Variants in ACAN observed in about 807,000 individuals in gnomAD.
ACAN encodes the protein aggrecan.
In ACAN, 47 loss-of-function variants were observed where a neutral mutation model predicts 169.1. The observed-to-expected ratio is 0.28, with a 90% CI of 0.22 to 0.35. ACAN has a LOEUF of 0.35. Ranked by LOEUF, ACAN falls within the 10% of genes least tolerant of loss-of-function variation. The pLI, the probability that ACAN is intolerant of heterozygous loss-of-function variation, is 1.00. For synonymous variants in ACAN, 1,115 were observed against 1,112.2 expected (o/e 1.00, Z -0.05); for missense variants, 2,716 against 2,759.9 (o/e 0.98, Z 0.36).
chr15:88,851,528 G>C lies in ACAN; in HGVS notation c.2027-266G>C. 1 of 385,550 alleles carries C rather than the reference G, an allele frequency of 2.6e-6. No homozygotes were observed. The highest frequency in any genetic ancestry group is 4.7e-6 in the Non-Finnish European group (1 of 214,980). The allele number at this position is 385,550 out of a possible 1,614,324, so 23.9% of individuals were successfully genotyped here. On this transcript the variant is annotated intron_variant, in intron 10 of 18. Coordinates refer to ENST00000560601, the MANE Select transcript of ACAN (RefSeq NM_001369268.1). This position sits in a 1 kb window ranked among gnomAD's most constrained non-coding sequence, Gnocchi z 4.3. Reference sequence around the variant, plus strand: ...AGATAAAGTGATTTTAGATACACAAGGCTTTAGAGCAATGCCCGGCATATA... The same window carrying C: ...AGATAAAGTGATTTTAGATACACAACGCTTTAGAGCAATGCCCGGCATATA...
At chr15:88,826,216 T>G (rs188477451) in intron 1 of ACAN, among the ~76,000 whole-genome samples, 2 of 152,198 alleles carry the variant, frequency 1.3e-5, no homozygotes, top group East Asian at 3.8e-4. Flanking sequence ...ATGATGATCA[T>G]GCTTTTGTAG....
In ACAN at chr15:88,807,203, G is replaced by A. The variant is rs1335317110; in HGVS notation, c.-8+3394G>A. 6.6e-6 allele frequency among the ~76,000 whole-genome samples: 1 copy of A among 152,076 alleles called. No homozygotes were observed. Among genetic ancestry groups the A allele is most frequent in the Non-Finnish European group, 1.5e-5 (1 of 68,026 alleles). On this transcript the variant is annotated intron_variant, in intron 1 of 18. Coordinates refer to ENST00000560601, the MANE Select transcript of ACAN (RefSeq NM_001369268.1). The surrounding 1 kb of genome is among the most constrained non-coding windows in gnomAD (Gnocchi z 4.0). ...TGGAGTTGGGGAAAGGCAAGTTCAA[G>A]GAAGAGGACCCAGAGTCAGAGAGGA...
Position 88,872,121 on chromosome 15 carries a change from G to T in ACAN, c.7302+36G>T, listed in dbSNP as rs1897395334. 1 of 1,587,236 alleles carries T rather than the reference G, an allele frequency of 6.3e-7. No individual in the cohort carries two copies. Among genetic ancestry groups the T allele is most frequent in the African/African-American group, 1.3e-5 (1 of 74,416 alleles). On this transcript the variant is annotated intron_variant, in intron 16 of 18. Transcript: ENST00000560601. The surrounding 1 kb of genome is among the most constrained non-coding windows in gnomAD (Gnocchi z 5.4). ...CTGTAGGCACAGCTGGTGGCCCAGGGGACAGGGAGTGGGATAGAGACCCCT... is the reference window on the plus strand; with the variant it reads ...CTGTAGGCACAGCTGGTGGCCCAGGTGACAGGGAGTGGGATAGAGACCCCT...
intron 1 of ACAN, among the ~76,000 whole-genome samples, chr15:88,831,948 G>A (rs917268487): frequency 6.6e-6 from 1 of 152,216 alleles, no homozygotes; most frequent in African/African-American, 2.4e-5. Context: ...CCATGAAAGA[G>A]GAGGGGATGT....
intron 1 of ACAN, among the ~76,000 whole-genome samples, chr15:88,821,469 C>T (rs1896074340): frequency 6.6e-6 from 1 of 152,208 alleles, no homozygotes; most frequent in African/African-American, 2.4e-5. Context: ...CCATTGCATC[C>T]CTGCCTCACA....
At chr15:88,821,362 C>T (rs552921214) in intron 1 of ACAN, among the ~76,000 whole-genome samples, 19 of 152,050 alleles carry the variant, frequency 1.2e-4, no homozygotes, top group Non-Finnish European at 1.9e-4. Context: ...CCTAAGTTGT[C>T]GGGGATGATC....
chr15:88,862,921 C>A (rs567993110), intron 13 of ACAN, among the ~76,000 whole-genome samples: 4 of 151,542 alleles, frequency 2.6e-5, no homozygotes, highest in African/African-American at 9.7e-5. Context: ...CTGTTTGAAC[C>A]CAGGAGGCGG....
At chr15:88,826,964 C>T (rs779208140) in intron 1 of ACAN, among the ~76,000 whole-genome samples, 22 of 152,176 alleles carry the variant, frequency 1.4e-4, no homozygotes, top group Non-Finnish European at 2.8e-4. Context: ...ATCTGTGTGA[C>T]TTTGGGCACG....
chr15:88,853,259 C>T (rs1341224511), intron 11 of ACAN, among the ~76,000 whole-genome samples: 1 of 152,224 alleles, frequency 6.6e-6, no homozygotes, highest in Non-Finnish European at 1.5e-5. Context: ...TTCCTGACCA[C>T]CTTGCTGATT....
chr15:88,871,476 G>A lies in ACAN; in HGVS notation c.7155G>A (p.Arg2385=), dbSNP rs1173520897. The A allele has an allele frequency of 6.2e-7, 1 of 1,613,772 alleles. No homozygotes were observed. Among genetic ancestry groups the A allele is most frequent in the Admixed American group, 1.7e-5 (1 of 60,002 alleles). Residue 2385 remains arginine (R), a synonymous_variant, in exon 15 of 19, where the codon CGG becomes CGA. Transcript: ENST00000560601. The surrounding 1 kb of genome is among the most constrained non-coding windows in gnomAD (Gnocchi z 7.8). The part of the protein sequence containing the change: ...DRETWVDAER[R]CREQQSHLSS... ...AGACCTGGGTGGATGCTGAGCGCCG[G>A]TGTCGGGAGCAGCAGTCACACCTGA...
chr15:88,824,575 T>G (rs1480622284), intron 1 of ACAN, among the ~76,000 whole-genome samples: 1 of 151,944 alleles, frequency 6.6e-6, no homozygotes, highest in Non-Finnish European at 1.5e-5. Context: ...GGACAATAAT[T>G]TCAAATAATA....
chr15:88,860,402 G>A lies in ACAN; in HGVS notation c.6909G>A (p.Leu2303=), dbSNP rs1897170914. The change falls in exon 13 of 19, where the codon CTG becomes CTA. Residue 2303 remains leucine (L), a synonymous_variant. Transcript: ENST00000560601. ...CKETEGHVIC[L]CPPGYTGEHC... ...AGACAGAGGGACACGTCATATGCCT[G>A]TGCCCCCCTGGCTACACTGGCGAGC... The A allele has an allele frequency of 6.2e-7, 1 of 1,613,670 alleles. No individual in the cohort carries two copies. Among genetic ancestry groups the A allele is most frequent in the Non-Finnish European group, 8.5e-7 (1 of 1,179,798 alleles).
rs1410198189 is a variant in ACAN at position 88,857,457 on chromosome 15, T to A, written c.4872T>A (p.Gly1624=). 2 of 1,613,924 alleles carry A rather than the reference T, an allele frequency of 1.2e-6. No individual in the cohort carries two copies. Among genetic ancestry groups the A allele is most frequent in the Non-Finnish European group, 8.5e-7 (1 of 1,179,894 alleles). The change falls in exon 12 of 19, where the codon GGT becomes GGA. Residue 1624 remains glycine, a synonymous_variant. Coordinates refer to ENST00000560601, the MANE Select transcript of ACAN (RefSeq NM_001369268.1). The part of the protein sequence containing the change: ...LGSGQAPETS[G]LPSGFSGEYS... ...GTGGGCAAGCTCCAGAAACAAGTGG[T>A]CTTCCCTCTGGATTTAGTGGTGAGT...
At position 88,849,861 on chromosome 15, in the gene ACAN, G is replaced by A; in HGVS notation, c.2026+130G>A. 7.5e-7 allele frequency: 1 copy of A among 1,334,178 alleles called. No homozygotes were observed. The highest frequency in any genetic ancestry group is 1.0e-6 in the Non-Finnish European group (1 of 956,854). 82.6% of individuals were successfully genotyped at this position (1,334,178 alleles called of 1,614,324 possible). A position where few individuals can be genotyped will look rare whatever the true frequency, so the allele number is the denominator to read the frequency against. On this transcript the variant is annotated intron_variant, in intron 10 of 18. Transcript: ENST00000560601. This position sits in a 1 kb window ranked among gnomAD's most constrained non-coding sequence, Gnocchi z 5.1. Reference sequence around the variant, plus strand: ...AAAATGTCAGTCCCTCTGGGGCAGAGCCAGCTCTGAAACCAGCACAACGCA... The same window carrying A: ...AAAATGTCAGTCCCTCTGGGGCAGAACCAGCTCTGAAACCAGCACAACGCA...
In ACAN at chr15:88,849,009, C is replaced by T. The variant is rs1253325229; in HGVS notation, c.1733-429C>T. Among the ~76,000 whole-genome samples, 5 of 152,186 alleles carry T rather than the reference C, an allele frequency of 3.3e-5. No individual in the cohort carries two copies. The highest frequency in any genetic ancestry group is 5.9e-5 in the Non-Finnish European group (4 of 68,042). On this transcript the variant is annotated intron_variant, in intron 9 of 18. Coordinates refer to ENST00000560601, the MANE Select transcript of ACAN (RefSeq NM_001369268.1). This position sits in a 1 kb window ranked among gnomAD's most constrained non-coding sequence, Gnocchi z 5.1. ...GAGTTCCCAGGGTGTGGGGTGAGCA[C>T]GTCCACAGCAGTCACAGTGATAAGT... is the stretch of plus-strand genomic sequence containing the variant.
chr15:88,835,770 C>G (rs1896486812), intron 1 of ACAN, among the ~76,000 whole-genome samples: 1 of 152,216 alleles, frequency 6.6e-6, no homozygotes, highest in African/African-American at 2.4e-5. Flanking sequence ...GGACTAGACC[C>G]TCCCACATTA....
rs771465769 is a variant in ACAN, at chr15:88,847,389, G to A, written c.1576G>A (p.Ala526Thr). 1.5e-5 allele frequency: 24 copies of A among 1,584,236 alleles called. No individual in the cohort carries two copies. The African/African-American group carries it at 1.7e-4, about 12-fold the overall frequency. The change falls in exon 8 of 19, where the codon GCC (alanine) becomes ACC (threonine). Residue 526 changes from alanine to threonine, a missense_variant. Ala to Thr is a moderately conservative substitution (Grantham distance 58). Coordinates refer to ENST00000560601, the MANE Select transcript of ACAN (RefSeq NM_001369268.1). ...CGAAGCAGGCTATGAGCAGTGTGAC[G>A]CCGGCTGGCTGCGGGACCAGACCGT... is the stretch of plus-strand genomic sequence containing the variant. ...AYEAGYEQCD[A>T]GWLRDQTVRY...
At chr15:88,819,615 A>AAT (rs1896024671) in intron 1 of ACAN, among the ~76,000 whole-genome samples, 1 of 151,238 alleles carries the variant, frequency 6.6e-6, no homozygotes, top group South Asian at 2.1e-4. Context: ...AAAAAAAAAA[A>AAT]AATAGCTTGG....
In ACAN at chr15:88,872,041, A is replaced by G; in HGVS notation, c.7258A>G (p.Arg2420Gly). 1.9e-6 allele frequency: 3 copies of G among 1,613,934 alleles called. No homozygotes were observed. Among genetic ancestry groups the G allele is most frequent in the Non-Finnish European group, 2.5e-6 (3 of 1,179,904 alleles). ...CTACCAGTGGATCGGCCTGAACGAC[A>G]GGACCATCGAAGGGGACTTCCGCTG... ...QDYQWIGLND[R>G]TIEGDFRWSD... Residue 2420 changes from arginine (R) to glycine (G), a missense_variant, in exon 16 of 19, where the codon AGG becomes GGG. Around this residue, in one of 3 missense-constraint regions of ACAN, gnomAD observed 1,389 missense variants for 1,363.7 expected, o/e 1.02. Transcript: ENST00000560601. The surrounding 1 kb of genome is among the most constrained non-coding windows in gnomAD (Gnocchi z 5.4).
Sources: gnomAD v4.1 joint callset for allele counts (sites outside exome capture counted in the v4.1 genomes callset) on GRCh38, gnomAD v4.1.1 for gene constraint, gnomAD v4.1.1 regional missense constraint, Gnocchi (gnomAD v3.1) non-coding constraint, MANE v1.5 for transcripts, NCBI Gene and HGNC (gene_info 2026-07-23, HGNC 2026-07-21) for gene names.